The following PEX5L variants were observed in gnomAD, a reference collection of about 807,000 sequenced individuals.
PEX5L encodes the protein PEX5-related protein.
PEX5L carries 30 observed loss-of-function variants against 84.0 expected under a neutral mutation model. That is an observed-to-expected ratio of 0.36 (90% CI 0.27 to 0.48). The LOEUF (loss-of-function observed/expected upper bound fraction) is 0.48, where lower values mean the gene tolerates loss of function less well. Ranked by LOEUF, PEX5L falls within the 20% of genes least tolerant of loss-of-function variation. PEX5L has a pLI of 0.99. For missense variants in PEX5L, 533 were observed against 754.6 expected (o/e 0.71, Z 3.44); for synonymous variants, 270 against 283.1 (o/e 0.95, Z 0.46).
chr3:179,918,384 G>A (rs995915426), intron 2 of PEX5L, among the ~76,000 whole-genome samples: 2 of 152,182 alleles, frequency 1.3e-5, no homozygotes, highest in African/African-American at 4.8e-5. Flanking sequence ...TCCAGGATTT[G>A]GGGATAGGTA....
intron 7 of PEX5L, among the ~76,000 whole-genome samples, chr3:179,873,600 A>G (rs996933217): frequency 2.6e-5 from 4 of 152,186 alleles, no homozygotes; most frequent in African/African-American, 9.7e-5. Context: ...TAAAACAGCT[A>G]GTTAAACTGG....
At chr3:179,959,645 T>C (rs1781523641) in intron 2 of PEX5L, among the ~76,000 whole-genome samples, 1 of 152,230 alleles carries the variant, frequency 6.6e-6, no homozygotes, top group African/African-American at 2.4e-5. Flanking sequence ...AGTTATTTCA[T>C]AATAAAGAAA....
chr3:179,816,309 T>G (rs987147931), intron 9 of PEX5L, among the ~76,000 whole-genome samples: 1 of 152,152 alleles, frequency 6.6e-6, no homozygotes, highest in Non-Finnish European at 1.5e-5. Context: ...TGCAGCACTA[T>G]TCACAATAGC....
chr3:179,825,615 G>T (rs1179913562), intron 8 of PEX5L, among the ~76,000 whole-genome samples: 2 of 151,628 alleles, frequency 1.3e-5, no homozygotes, highest in Non-Finnish European at 2.9e-5. Flanking sequence ...AAAAAAAAAG[G>T]AGTTAAATTT....
chr3:179,833,719 A>G (rs1312938847), intron 8 of PEX5L, among the ~76,000 whole-genome samples: 1 of 152,230 alleles, frequency 6.6e-6, no homozygotes, highest in Non-Finnish European at 1.5e-5. Context: ...AAAGAACGAA[A>G]AAAGAAAAAA....
intron 3 of PEX5L, among the ~76,000 whole-genome samples, chr3:179,897,095 T>A (rs1321166750): frequency 6.6e-6 from 1 of 152,092 alleles, no homozygotes; most frequent in Non-Finnish European, 1.5e-5. Flanking sequence ...GTATTTAGAA[T>A]AAAGTAAAAC....
chr3:179,850,400 T>C (rs1046675423), intron 8 of PEX5L, among the ~76,000 whole-genome samples: 1 of 152,198 alleles, frequency 6.6e-6, no homozygotes, highest in Admixed American at 6.5e-5. Flanking sequence ...GTGCTGGGAT[T>C]ACAGGTGTGA....
intron 2 of PEX5L, chr3:179,902,754 T>A (rs917700690): frequency 4.7e-6 from 2 of 422,260 alleles, no homozygotes; most frequent in Admixed American, 2.8e-5. Context: ...ATTCTATTAC[T>A]GCTACCAAGG....
intron 10 of PEX5L, among the ~76,000 whole-genome samples, chr3:179,814,926 G>GCGCT (rs1457906721): frequency 2.0e-5 from 3 of 151,976 alleles, no homozygotes; most frequent in Non-Finnish European, 2.9e-5. Flanking sequence ...TACCCACATA[G>GCGCT]CGCTCTCTTG....
At chr3:180,019,928 C>T (rs1156826317) in intron 1 of PEX5L, among the ~76,000 whole-genome samples, 2 of 152,110 alleles carry the variant, frequency 1.3e-5, no homozygotes, top group Non-Finnish European at 2.9e-5. Flanking sequence ...ATGTTCTTAT[C>T]GACAAGAGTC....
intron 5 of PEX5L, among the ~76,000 whole-genome samples, chr3:179,876,466 C>T (rs1752439633): frequency 6.6e-6 from 1 of 151,350 alleles, no homozygotes; most frequent in African/African-American, 2.4e-5. Context: ...CTCTGCACTC[C>T]AGCCTGGGCA....
chr3:179,836,413 C>T (rs1560302716), intron 8 of PEX5L, among the ~76,000 whole-genome samples: 1 of 152,150 alleles, frequency 6.6e-6, no homozygotes, highest in African/African-American at 2.4e-5. Flanking sequence ...TTGATTTGCA[C>T]TGAGCTCCTA....
intron 5 of PEX5L, among the ~76,000 whole-genome samples, chr3:179,876,570 T>TA (rs1041977382): frequency 6.6e-6 from 1 of 151,980 alleles, no homozygotes; most frequent in Non-Finnish European, 1.5e-5. Flanking sequence ...AAAACTGTGG[T>TA]AAAAAATACA....
chr3:179,865,086 G>T (rs1338695054), intron 7 of PEX5L, among the ~76,000 whole-genome samples: 1 of 152,114 alleles, frequency 6.6e-6, no homozygotes, highest in Non-Finnish European at 1.5e-5. Context: ...AAAGGGCACT[G>T]GAAGAAGAGG....
intron 8 of PEX5L, among the ~76,000 whole-genome samples, chr3:179,853,811 ATTCTTC>A (rs1471595370): frequency 2.8e-5 from 4 of 141,170 alleles, no homozygotes; most frequent in African/African-American, 7.9e-5. Flanking sequence ...TCTTCTTCTT[ATTCTTC>A]TTCTTCTTTT....
intron 12 of PEX5L, among the ~76,000 whole-genome samples, chr3:179,809,073 C>CAAAAAAAAAAAA (rs10684376): frequency 8.4e-5 from 4 of 47,770 alleles, no homozygotes; most frequent in African/African-American, 8.1e-5. Flanking sequence ...GATTCCGCCT[C>CAAAAAAAAAAAA]AAAAAAAAAA....
chr3:179,887,549 T>C (rs1036212050), intron 4 of PEX5L, 124 bp downstream of exon 4: 12 of 699,508 alleles, frequency 1.7e-5, no homozygotes, highest in Non-Finnish European at 3.0e-5. Flanking sequence ...ATAGTATACA[T>C]TCTAAAGTTT....
intron 1 of PEX5L, among the ~76,000 whole-genome samples, chr3:180,013,392 T>C (rs544777638): frequency 3.8e-4 from 58 of 152,288 alleles, no homozygotes; most frequent in African/African-American, 1.4e-3. Flanking sequence ...AATATACAAG[T>C]TTACCATGCT....
chr3:179,881,475 G>A (rs879378206), intron 4 of PEX5L: 1 of 152,138 alleles, frequency 6.6e-6, no homozygotes, highest in East Asian at 1.9e-4. Flanking sequence ...TGATCTCTCT[G>A]AGTTTCAGTT....
Sources: gnomAD v4.1 joint callset for allele counts (sites outside exome capture counted in the v4.1 genomes callset) on GRCh38, gnomAD v4.1.1 for gene constraint, MANE v1.5 for transcripts, NCBI Gene and HGNC (gene_info 2026-07-23, HGNC 2026-07-21) for gene names.